The following EDEM2 variants were observed in gnomAD, a reference collection of about 807,000 sequenced individuals.
The protein encoded by EDEM2 is ER degradation-enhancing alpha-mannosidase-like protein 2.
Under a neutral mutation model 64.8 loss-of-function variants are expected in EDEM2, and 39 were observed. That is an observed-to-expected ratio of 0.60 (90% CI 0.47 to 0.79). The LOEUF is 0.79. EDEM2 is among the 30% of genes least tolerant of loss of function. The pLI is 0.00. For synonymous variants in EDEM2, 296 were observed against 291.5 expected, an observed-to-expected ratio of 1.02 and a Z score of -0.16; for missense variants, 609 against 731.3, an observed-to-expected ratio of 0.83 and a Z score of 1.93.
intron 10 of EDEM2, chr20:35,117,157 A>G (rs1045496911): frequency 6.6e-6 from 1 of 152,174 alleles, no homozygotes; most frequent in Admixed American, 6.5e-5. Context: ...CAAAGTATCG[A>G]CACTTACTAG....
At position 35,141,851 on chromosome 20, in the gene EDEM2, C is replaced by T. The variant is rs183752843; in HGVS notation, c.364+522G>A. ...ATTAATGCTGTAGATTTGCACTGTC[C>T]AATACAATAATCACTAACTACATGT... On this transcript the variant is annotated intron_variant, in intron 4 of 10. Coordinates refer to ENST00000374492, the MANE Select transcript of EDEM2 (RefSeq NM_018217.3). Among the ~76,000 whole-genome samples, 747 of 152,036 alleles carry T rather than the reference C, an allele frequency of 4.9e-3. 6 individuals are homozygous for T. Among genetic ancestry groups the T allele is most frequent in the Non-Finnish European group, 8.6e-3 (585 of 67,944 alleles).
intron 6 of EDEM2, 130 bp from the exon 7 acceptor site, chr20:35,131,913 A>G: frequency 1.8e-6 from 2 of 1,096,368 alleles, no homozygotes; most frequent in African/African-American, 1.6e-5. Flanking sequence ...AAACATGCAG[A>G]CCCTGAGAGG....
chr20:35,147,039 C>G, intron 1 of EDEM2, 104 bp from the exon 2 acceptor site: 1 of 1,547,020 alleles, frequency 6.5e-7, no homozygotes, highest in East Asian at 2.4e-5. Flanking sequence ...TGATTTCTCC[C>G]TGGGACCTAG....
chr20:35,142,305 A>T, intron 4 of EDEM2, 68 bp downstream of exon 4: 1 of 1,278,270 alleles, frequency 7.8e-7, no homozygotes, highest in Non-Finnish European at 1.1e-6. Flanking sequence ...CCTATTTACC[A>T]CTTCTTGGTT....
intron 10 of EDEM2, 183 bp downstream of exon 10, chr20:35,118,415 T>C: frequency 1.2e-6 from 1 of 859,718 alleles, no homozygotes; most frequent in Non-Finnish European, 1.8e-6. Context: ...TGTGAGATCT[T>C]TAGCAAGGCA....
intron 8 of EDEM2, 84 bp from the exon 9 acceptor site, chr20:35,124,118 TG>T (rs2085402314): frequency 1.3e-6 from 2 of 1,526,278 alleles, no homozygotes; most frequent in Non-Finnish European, 1.8e-6. Context: ...AAGTAAAATC[TG>T]TGGGGCCAAA....
At chr20:35,122,166 G>A (rs1293294794) in intron 9 of EDEM2, among the ~76,000 whole-genome samples, 1 of 152,088 alleles carries the variant, frequency 6.6e-6, no homozygotes, top group Non-Finnish European at 1.5e-5. Flanking sequence ...TAAGTAGCAA[G>A]CTCCTTGTCA....
At chr20:35,143,024 G>A (rs954525297) in intron 3 of EDEM2, among the ~76,000 whole-genome samples, 1 of 152,140 alleles carries the variant, frequency 6.6e-6, no homozygotes, top group African/African-American at 2.4e-5. Flanking sequence ...CCAAAGTGCT[G>A]GGATTACAGG....
At chr20:35,139,347 C>A (rs1358998210) in intron 4 of EDEM2, among the ~76,000 whole-genome samples, 2 of 117,826 alleles carry the variant, frequency 1.7e-5, no homozygotes, top group East Asian at 2.3e-4. Flanking sequence ...GAGACTCCGT[C>A]TCAAAAAAAA....
intron 8 of EDEM2, 33 bp from the exon 9 acceptor site, chr20:35,124,067 C>T: frequency 6.2e-7 from 1 of 1,602,674 alleles, no homozygotes; most frequent in Non-Finnish European, 8.5e-7. Flanking sequence ...GGCAGGTAGA[C>T]ACCAGGCATA....
In EDEM2 at chr20:35,145,021, G is replaced by T; in HGVS notation, c.219-3C>A. 1 of 1,613,918 alleles carries T rather than the reference G, an allele frequency of 6.2e-7. No individual in the cohort carries two copies. Among genetic ancestry groups the T allele is most frequent in the Non-Finnish European group, 8.5e-7 (1 of 1,179,874 alleles). On this transcript the variant is annotated splice_region_variant and splice_polypyrimidine_tract_variant and intron_variant, in intron 2 of 10. Transcript: ENST00000374492. ...CATCAATTAGAGTCAGAGAAAAACT[G>T]CAAAAGGACAGAAATCCCAGCCGCT...
chr20:35,115,998 TC>T (rs1459135321), intron 10 of EDEM2, 65 bp from the exon 11 acceptor site: 1 of 1,553,892 alleles, frequency 6.4e-7, no homozygotes, highest in East Asian at 2.3e-5. Flanking sequence ...GGTCAGGCAA[TC>T]CCTTAAGAAG....
intron 7 of EDEM2, 113 bp from the exon 8 acceptor site, chr20:35,126,488 A>C (rs2085434531): frequency 3.9e-6 from 5 of 1,276,584 alleles, no homozygotes; most frequent in Non-Finnish European, 5.5e-6. Context: ...GGATGCAATG[A>C]GGCAAGGAGG....
intron 5 of EDEM2, 24 bp from the exon 6 acceptor site, chr20:35,134,973 C>A (rs1471911129): frequency 1.2e-6 from 2 of 1,610,688 alleles, no homozygotes; most frequent in Non-Finnish European, 1.7e-6. Context: ...AAATTATGAT[C>A]CCGGACAGGA....
intron 3 of EDEM2, among the ~76,000 whole-genome samples, chr20:35,143,711 T>G (rs902345686): frequency 6.6e-6 from 1 of 152,162 alleles, no homozygotes; most frequent in African/African-American, 2.4e-5. Flanking sequence ...GTACTTGACC[T>G]GAACCAGTCC....
In EDEM2 at chr20:35,137,384, A is replaced by T. The variant is rs189123317; in HGVS notation, c.490+496T>A. On this transcript the variant is annotated intron_variant, in intron 5 of 10. Coordinates refer to ENST00000374492, the MANE Select transcript of EDEM2 (RefSeq NM_018217.3). ...CAGTGACTTGAGATTGTGCCACTGC[A>T]CTCCAGCCTGGGCGACAGAACAAGA... Among the ~76,000 whole-genome samples, 32 of 152,286 alleles carry T rather than the reference A, an allele frequency of 2.1e-4. No individual in the cohort carries two copies. In the East Asian group the frequency reaches 6.2e-3, roughly 29 times the overall value.
intron 4 of EDEM2, 74 bp from the exon 5 acceptor site, chr20:35,138,079 C>T (rs751487917): frequency 1.2e-5 from 19 of 1,567,726 alleles, no homozygotes; most frequent in South Asian, 8.2e-5. Context: ...TTCCCCTGTG[C>T]GAGTTAAACA....
At position 35,134,782 on chromosome 20, in the gene EDEM2, C is replaced by G. The variant is rs200897787; in HGVS notation, c.658G>C (p.Val220Leu). 7.4e-6 allele frequency: 12 copies of G among 1,614,004 alleles called. No homozygotes were observed. In the African/African-American group the frequency reaches 1.3e-4, roughly 18 times the overall value. Residue 220 changes from valine (V) to leucine (L), a missense_variant, in exon 6 of 11, where the codon GTG becomes CTG. By Grantham distance (32) the Val-to-Leu change is conservative. Transcript: ENST00000374492. Reference sequence around the variant, plus strand: ...CTCTCCCAGAGGCGCATCAAAGCCACTCTGGCCACATCTTCGAACACCGGG... The same window carrying G: ...CTCTCCCAGAGGCGCATCAAAGCCAGTCTGGCCACATCTTCGAACACCGGG... ...GDPVFEDVAR[V>L]ALMRLWESRS...
At position 35,128,561 on chromosome 20, in the gene EDEM2, T is replaced by G. The variant is rs537083140; in HGVS notation, c.845-2186A>C. Among the ~76,000 whole-genome samples the G allele has an allele frequency of 8.4e-5, 8 of 94,796 alleles. 1 individual carries two copies. Among genetic ancestry groups the G allele is most frequent in the African/African-American group, 2.7e-4 (8 of 29,582 alleles). 62.2% of individuals were successfully genotyped at this position (94,796 alleles called of 152,430 possible). On this transcript the variant is annotated intron_variant, in intron 7 of 10. Transcript: ENST00000374492. ...AGCCTGGGCAACATAAGCAAAACTC[T>G]GTCTAAAAAAAAAAAAAAAATGAAA...
Sources: gnomAD v4.1 joint callset for allele counts (sites outside exome capture counted in the v4.1 genomes callset) on GRCh38, gnomAD v4.1.1 for gene constraint, MANE v1.5 for transcripts, NCBI Gene and HGNC (gene_info 2026-07-23, HGNC 2026-07-21) for gene names.